Variants in CNTN4 observed in about 807,000 individuals in gnomAD.
CNTN4 encodes contactin-4.
Under a neutral mutation model 122.5 loss-of-function variants are expected in CNTN4, and 77 were observed. The ratio of observed to expected loss-of-function variants is 0.63; its 90% CI spans 0.52 to 0.76. The LOEUF (loss-of-function observed/expected upper bound fraction) is 0.76. Ranked by LOEUF, CNTN4 falls within the 30% of genes least tolerant of loss-of-function variation. CNTN4 has a pLI of 0.00. For synonymous variants in CNTN4, 512 were observed against 447.0 expected, an observed-to-expected ratio of 1.15 and a Z score of -1.83; for missense variants, 1,256 against 1,259.1, an observed-to-expected ratio of 1.00 and a Z score of 0.04.
intron 3 of CNTN4, among the ~76,000 whole-genome samples, chr3:2,535,272 T>C (rs1317622193): frequency 1.1e-4 from 16 of 152,092 alleles, no homozygotes; most frequent in Non-Finnish European, 1.6e-4. Flanking sequence ...TTTAAATCTG[T>C]CCTCAATTCT....
chr3:2,585,277 G>C (rs941489982), intron 4 of CNTN4, among the ~76,000 whole-genome samples: 1 of 151,714 alleles, frequency 6.6e-6, no homozygotes, highest in South Asian at 2.1e-4. Context: ...GGAAGTCAGA[G>C]TGGCGATTCC....
chr3:2,347,837 G>A (rs900633270), intron 3 of CNTN4, among the ~76,000 whole-genome samples: 1 of 150,318 alleles, frequency 6.7e-6, no homozygotes, highest in Admixed American at 6.6e-5. Flanking sequence ...ATTTTTAGAA[G>A]CTCTTTTTGG....
intron 6 of CNTN4, among the ~76,000 whole-genome samples, chr3:2,762,362 C>T (rs929795122): frequency 6.6e-6 from 1 of 152,194 alleles, no homozygotes; most frequent in Non-Finnish European, 1.5e-5. Context: ...TCTCCTTCCT[C>T]CTACCCTATG....
At chr3:2,751,127 C>T (rs2090069384) in intron 6 of CNTN4, among the ~76,000 whole-genome samples, 6 of 135,960 alleles carry the variant, frequency 4.4e-5, no homozygotes, top group African/African-American at 1.7e-4. Flanking sequence ...TGGTGAAACC[C>T]CATCTCTACT....
rs150180896 is a variant in CNTN4, at chr3:2,520,812, A to G, written c.-88-50604A>G. 4.6e-4 allele frequency among the ~76,000 whole-genome samples: 70 copies of G among 152,250 alleles called. No individual in the cohort carries two copies. The East Asian group carries it at 0.012, about 27-fold the overall frequency. ...AGTCATTTTTCTTGCGTACCTGTGC[A>G]GATGACAGAATCACCAGGTGGTCCC... On this transcript the variant is annotated intron_variant, in intron 3 of 24. Coordinates refer to ENST00000418658, the MANE Select transcript of CNTN4 (RefSeq NM_175607.3).
intron 7 of CNTN4, among the ~76,000 whole-genome samples, chr3:2,825,736 C>A (rs572039990): frequency 1.3e-5 from 2 of 152,240 alleles, no homozygotes; most frequent in African/African-American, 4.8e-5. Flanking sequence ...TTCTATTCAG[C>A]CAGCTTTCCT....
chr3:2,929,633 G>A (rs1385463979), intron 13 of CNTN4, among the ~76,000 whole-genome samples: 1 of 152,156 alleles, frequency 6.6e-6, no homozygotes, highest in African/African-American at 2.4e-5. Context: ...CTCTCTTCCT[G>A]TCTCACCTGC....
At chr3:2,332,988 G>C (rs1559461490) in intron 2 of CNTN4, among the ~76,000 whole-genome samples, 1 of 152,172 alleles carries the variant, frequency 6.6e-6, no homozygotes, top group Non-Finnish European at 1.5e-5. Flanking sequence ...ATGTGCTGCA[G>C]TTTCCTATGT....
chr3:2,573,760 G>C (rs1305215816), intron 4 of CNTN4, among the ~76,000 whole-genome samples: 2 of 152,136 alleles, frequency 1.3e-5, no homozygotes, highest in African/African-American at 2.4e-5. Context: ...GATTGTTTTT[G>C]TGAGGCTTTT....
chr3:2,593,389 T>A (rs1429729497), intron 4 of CNTN4, among the ~76,000 whole-genome samples: 1 of 152,196 alleles, frequency 6.6e-6, no homozygotes. Flanking sequence ...GGTAGATACA[T>A]TGAGATTATC....
At chr3:2,234,508 C>T (rs2039611046) in intron 2 of CNTN4, among the ~76,000 whole-genome samples, 1 of 151,962 alleles carries the variant, frequency 6.6e-6, no homozygotes, top group Admixed American at 6.6e-5. Context: ...TTATTCCTGA[C>T]ACTGGACCAA....
chr3:2,599,175 G>C (rs547558335), intron 4 of CNTN4, among the ~76,000 whole-genome samples: 3 of 152,000 alleles, frequency 2.0e-5, no homozygotes, highest in African/African-American at 7.2e-5. Flanking sequence ...GGAGTGTAGA[G>C]TTGGAGGTTC....
intron 14 of CNTN4, among the ~76,000 whole-genome samples, chr3:3,006,006 C>T (rs949362869): frequency 1.3e-5 from 2 of 151,822 alleles, no homozygotes; most frequent in Non-Finnish European, 2.9e-5. Context: ...GTGCCTCAGC[C>T]TCCCAAGTAG....
At chr3:2,849,077 A>T (rs750788795) in intron 7 of CNTN4, among the ~76,000 whole-genome samples, 30 of 152,192 alleles carry the variant, frequency 2.0e-4, no homozygotes, top group Admixed American at 1.0e-3. Flanking sequence ...CATCCCGAAG[A>T]GTTATTTCTA....
intron 2 of CNTN4, among the ~76,000 whole-genome samples, chr3:2,304,409 A>G (rs967573856): frequency 6.6e-6 from 1 of 152,138 alleles, no homozygotes; most frequent in Non-Finnish European, 1.5e-5. Context: ...AATCTACACC[A>G]TTTACATTCT....
At chr3:2,280,762 A>C (rs2041684635) in intron 2 of CNTN4, among the ~76,000 whole-genome samples, 1 of 152,210 alleles carries the variant, frequency 6.6e-6, no homozygotes, top group Non-Finnish European at 1.5e-5. Flanking sequence ...TTGTACCTAT[A>C]GCTCCAGCTC....
At chr3:2,692,611 CTCTT>C (rs1412164146) in intron 4 of CNTN4, among the ~76,000 whole-genome samples, 2 of 152,128 alleles carry the variant, frequency 1.3e-5, no homozygotes, top group Non-Finnish European at 2.9e-5. Context: ...ATGAACAGCT[CTCTT>C]TCTTAAAATT....
At chr3:2,492,623 T>G (rs1447497309) in intron 3 of CNTN4, among the ~76,000 whole-genome samples, 2 of 152,212 alleles carry the variant, frequency 1.3e-5, no homozygotes, top group South Asian at 4.1e-4. Flanking sequence ...TACTCTTTGT[T>G]GAAATAATTG....
chr3:2,415,021 A>G (rs897582375), intron 3 of CNTN4, among the ~76,000 whole-genome samples: 1 of 152,186 alleles, frequency 6.6e-6, no homozygotes, highest in South Asian at 2.1e-4. Flanking sequence ...TTTCCAATAT[A>G]TTAAGTATAA....
Sources: gnomAD v4.1 joint callset for allele counts (sites outside exome capture counted in the v4.1 genomes callset) on GRCh38, gnomAD v4.1.1 for gene constraint, MANE v1.5 for transcripts, NCBI Gene and HGNC (gene_info 2026-07-23, HGNC 2026-07-21) for gene names.